Variants in RSPO2 observed in about 807,000 individuals in gnomAD.
RSPO2 encodes R-spondin-2.
RSPO2 carries 14 observed loss-of-function variants against 30.9 expected under a neutral mutation model. That is an observed-to-expected ratio of 0.45 (90% CI 0.30 to 0.71). The LOEUF (loss-of-function observed/expected upper bound fraction) is 0.71. RSPO2 is among the 30% of genes least tolerant of loss of function. The pLI is 0.08. For missense variants in RSPO2, 264 were observed against 301.9 expected (o/e 0.87, Z 0.93); for synonymous variants, 107 against 96.4 (o/e 1.11, Z -0.64).
chr8:107,959,305 T>A (rs1813543498), intron 4 of RSPO2, among the ~76,000 whole-genome samples: 1 of 152,240 alleles, frequency 6.6e-6, no homozygotes, highest in African/African-American at 2.4e-5. Context: ...TGAAAATGTA[T>A]GTTTTTACTA....
chr8:107,984,856 G>T (rs1291743232), intron 3 of RSPO2, among the ~76,000 whole-genome samples: 1 of 152,192 alleles, frequency 6.6e-6, no homozygotes, highest in Non-Finnish European at 1.5e-5. Flanking sequence ...AGACAGTAGT[G>T]AATGGGAAGT....
chr8:107,901,061 C>T lies in RSPO2; in HGVS notation c.*14G>A. ...AAAAACAAAAACCCCTAAAAATCTACCGGATCTCTTGTTTTATTGGTTAGC... is the reference window on the plus strand; with the variant it reads ...AAAAACAAAAACCCCTAAAAATCTATCGGATCTCTTGTTTTATTGGTTAGC... On this transcript the variant is annotated 3_prime_UTR_variant, in exon 6 of 6. Coordinates refer to ENST00000276659, the MANE Select transcript of RSPO2 (RefSeq NM_178565.5). 1 of 1,610,200 alleles carries T rather than the reference C, an allele frequency of 6.2e-7. No homozygotes were observed. Among genetic ancestry groups the T allele is most frequent in the Non-Finnish European group, 8.5e-7 (1 of 1,179,106 alleles).
intron 5 of RSPO2, among the ~76,000 whole-genome samples, chr8:107,913,608 A>G (rs1811889423): frequency 6.6e-6 from 1 of 152,196 alleles, no homozygotes; most frequent in Non-Finnish European, 1.5e-5. Context: ...CGATTATTAG[A>G]GACAGCACAT....
At chr8:107,929,266 G>A (rs1219841072) in intron 5 of RSPO2, among the ~76,000 whole-genome samples, 1 of 152,154 alleles carries the variant, frequency 6.6e-6, no homozygotes, top group Non-Finnish European at 1.5e-5. Flanking sequence ...CATGTCCAAC[G>A]AAGTGAGGAT....
chr8:107,964,385 G>A (rs1368543976), intron 3 of RSPO2, among the ~76,000 whole-genome samples: 1 of 152,146 alleles, frequency 6.6e-6, no homozygotes, highest in Non-Finnish European at 1.5e-5. Context: ...GAGATTACAG[G>A]CATCATGCGC....
chr8:107,922,597 T>C (rs1812210901), intron 5 of RSPO2, among the ~76,000 whole-genome samples: 1 of 152,114 alleles, frequency 6.6e-6, no homozygotes, highest in African/African-American at 2.4e-5. Context: ...AAAACTATTT[T>C]AAAATTCATA....
At chr8:108,059,068 C>T (rs1412989802) in intron 2 of RSPO2, among the ~76,000 whole-genome samples, 1 of 151,702 alleles carries the variant, frequency 6.6e-6, no homozygotes, top group Admixed American at 6.6e-5. Flanking sequence ...AGGCAACCTA[C>T]AAAATGGGAG....
intron 2 of RSPO2, among the ~76,000 whole-genome samples, chr8:108,017,914 T>C (rs1391166908): frequency 1.3e-5 from 2 of 152,172 alleles, no homozygotes; most frequent in Non-Finnish European, 2.9e-5. Flanking sequence ...GCACTTAACA[T>C]TACAATCTTT....
At chr8:108,082,133 T>C (rs1813218470) in intron 2 of RSPO2, among the ~76,000 whole-genome samples, 1 of 150,328 alleles carries the variant, frequency 6.7e-6, no homozygotes, top group African/African-American at 2.5e-5. Flanking sequence ...ATGGGGAAGA[T>C]AAAACAAATG....
At chr8:107,916,971 T>C (rs1462468101) in intron 5 of RSPO2, among the ~76,000 whole-genome samples, 3 of 152,224 alleles carry the variant, frequency 2.0e-5, no homozygotes, top group East Asian at 1.9e-4. Context: ...GCATTAAAGA[T>C]GCACTAATGC....
At chr8:107,911,099 C>A (rs1339865798) in intron 5 of RSPO2, among the ~76,000 whole-genome samples, 2 of 152,178 alleles carry the variant, frequency 1.3e-5, no homozygotes, top group African/African-American at 4.8e-5. Flanking sequence ...CTCTCCTGTT[C>A]TTCCTAGGCT....
At chr8:107,988,541 G>A (rs1257039855) in intron 3 of RSPO2, among the ~76,000 whole-genome samples, 2 of 151,996 alleles carry the variant, frequency 1.3e-5, no homozygotes, top group African/African-American at 2.4e-5. Flanking sequence ...AATAAAGTGT[G>A]TATGTGGAAT....
At chr8:107,995,865 C>T (rs907336692) in intron 2 of RSPO2, among the ~76,000 whole-genome samples, 1 of 152,108 alleles carries the variant, frequency 6.6e-6, no homozygotes, top group Non-Finnish European at 1.5e-5. Context: ...CATTCTATTG[C>T]TCAATTTTCC....
chr8:107,903,096 A>G (rs993949141), intron 5 of RSPO2, among the ~76,000 whole-genome samples: 1 of 152,144 alleles, frequency 6.6e-6, no homozygotes, highest in Non-Finnish European at 1.5e-5. Flanking sequence ...ATATTTTAAA[A>G]GCTTCAATTA....
intron 5 of RSPO2, among the ~76,000 whole-genome samples, chr8:107,915,909 T>G (rs942904769): frequency 6.6e-6 from 1 of 152,152 alleles, no homozygotes; most frequent in Non-Finnish European, 1.5e-5. Context: ...TCTTTGGGGA[T>G]CTGGCTTTGC....
At chr8:108,071,881 T>C (rs1252734196) in intron 2 of RSPO2, among the ~76,000 whole-genome samples, 1 of 152,186 alleles carries the variant, frequency 6.6e-6, no homozygotes, top group Non-Finnish European at 1.5e-5. Context: ...CTTCTTTTAA[T>C]GTCTGTTTAG....
At chr8:107,979,430 G>C (rs542811853) in intron 3 of RSPO2, among the ~76,000 whole-genome samples, 56 of 152,178 alleles carry the variant, frequency 3.7e-4, no homozygotes, top group Non-Finnish European at 6.6e-4. Flanking sequence ...CTATCACAAG[G>C]ACCAAAAACC....
At chr8:108,082,968 T>A (rs537608113) in intron 1 of RSPO2, 161 bp from the exon 2 acceptor site, 23 of 293,614 alleles carry the variant, frequency 7.8e-5, no homozygotes, top group African/African-American at 5.0e-4. Flanking sequence ...AGCGGGCAGC[T>A]GCGGACGAGT....
intron 5 of RSPO2, 70 bp downstream of exon 5, chr8:107,958,010 G>A (rs572459511): frequency 5.0e-5 from 51 of 1,020,088 alleles, no homozygotes; most frequent in Admixed American, 1.5e-4. Context: ...TTTTTGGAAG[G>A]GAAGGTGGTT....
Sources: allele counts gnomAD v4.1 joint callset (sites outside exome capture counted in the v4.1 genomes callset), GRCh38; gene constraint gnomAD v4.1.1; transcripts MANE v1.5; gene names NCBI Gene and HGNC (gene_info 2026-07-23, HGNC 2026-07-21).